The following PC variants were observed in gnomAD, a reference collection of about 807,000 sequenced individuals.
The protein encoded by PC is pyruvate carboxylase, mitochondrial.
PC carries 46 observed loss-of-function variants against 107.8 expected under a neutral mutation model. The ratio of observed to expected loss-of-function variants is 0.43; its 90% CI spans 0.34 to 0.55. The LOEUF is 0.55. PC is among the 20% of genes least tolerant of loss of function. The probability of loss-of-function intolerance (pLI) is 0.04; values close to 1 mark genes in which losing one functional copy is unlikely to be tolerated. For missense variants in PC, 1,241 were observed against 1,643.1 expected, an observed-to-expected ratio of 0.76 and a Z score of 4.23; for synonymous variants, 662 against 684.7, an observed-to-expected ratio of 0.97 and a Z score of 0.52.
chr11:66,862,610 GC>G (rs1946319283), intron 12 of PC, among the ~76,000 whole-genome samples: 1 of 152,216 alleles, frequency 6.6e-6, no homozygotes, highest in South Asian at 2.1e-4. Flanking sequence ...GAGGGCCAAA[GC>G]CCCTGTCCTC....
At chr11:66,872,382 T>C (rs1043830577) in intron 3 of PC, among the ~76,000 whole-genome samples, 22 of 152,054 alleles carry the variant, frequency 1.4e-4, no homozygotes, top group African/African-American at 4.6e-4. Context: ...TGTGACTTTA[T>C]TGTTGTAGAG....
chr11:66,921,639 C>T (rs1038972158), intron 3 of PC, among the ~76,000 whole-genome samples: 1 of 152,090 alleles, frequency 6.6e-6, no homozygotes, highest in Non-Finnish European at 1.5e-5. Flanking sequence ...TAGATCTGAG[C>T]TCTGCCACTC....
intron 3 of PC, among the ~76,000 whole-genome samples, chr11:66,877,167 T>C (rs868586962): frequency 2.0e-5 from 3 of 151,758 alleles, no homozygotes; most frequent in African/African-American, 7.3e-5. Context: ...AGGCGGATCA[T>C]TTGAGGTCAC....
intron 12 of PC, chr11:66,859,722 C>G (rs1946122602): frequency 3.7e-6 from 6 of 1,611,494 alleles, no homozygotes; most frequent in Non-Finnish European, 4.2e-6. Context: ...GGCCTTGTCA[C>G]CGGCCGCTGG....
chr11:66,860,666 T>C lies in PC; in HGVS notation c.1368+3108A>G, dbSNP rs1223968740. On this transcript the variant is annotated intron_variant, in intron 12 of 22. Transcript: ENST00000393960. ...GCCAAGGGCTGTGCCTGGTGTCTTC[T>C]GACCTGCAAGAGCATGGGCTTGGGC... 6 of 701,494 alleles carry C rather than the reference T, an allele frequency of 8.6e-6. No individual in the cohort carries two copies. In the East Asian group the frequency reaches 1.1e-4, roughly 13 times the overall value. The allele number at this position is 701,494 out of a possible 1,614,324, so 43.5% of individuals were successfully genotyped here.
At chr11:66,898,615 G>A (rs981767849) in intron 3 of PC, among the ~76,000 whole-genome samples, 4 of 152,318 alleles carry the variant, frequency 2.6e-5, no homozygotes, top group African/African-American at 9.6e-5. Context: ...AGGAGGTGGA[G>A]GTCGCAGTAA....
chr11:66,854,305 G>C (rs1391205818), intron 12 of PC, among the ~76,000 whole-genome samples: 2 of 152,184 alleles, frequency 1.3e-5, no homozygotes, highest in Non-Finnish European at 2.9e-5. Flanking sequence ...ACTTCTCAAG[G>C]GCCTTCGCCC....
intron 11 of PC, among the ~76,000 whole-genome samples, chr11:66,864,706 G>A (rs573443341): frequency 8.5e-5 from 13 of 152,344 alleles, no homozygotes; most frequent in African/African-American, 3.1e-4. Flanking sequence ...GCCAGGGCCA[G>A]ACGGCAATGG....
intron 2 of PC, among the ~76,000 whole-genome samples, chr11:66,953,717 C>A (rs1949490466): frequency 6.6e-6 from 1 of 152,062 alleles, no homozygotes; most frequent in African/African-American, 2.4e-5. Flanking sequence ...ACACTCAGGC[C>A]CTGCCCACAA....
rs36115909 is a variant in PC, at chr11:66,860,060, C to T, written c.1368+3714G>A. 173 of 1,566,266 alleles carry T rather than the reference C, an allele frequency of 1.1e-4. No individual in the cohort carries two copies. The East Asian group carries it at 3.4e-3, about 31-fold the overall frequency. On this transcript the variant is annotated intron_variant, in intron 12 of 22. Coordinates refer to ENST00000393960, the MANE Select transcript of PC (RefSeq NM_001040716.2). ...GCTGCTCTCTGGACCTGGGAGATGC[C>T]GGGTGCTACGGTTATGCCAGGCGCC...
In PC at chr11:66,870,870, C is replaced by T. The variant is rs772857932; in HGVS notation, c.656G>A (p.Arg219Gln). The change falls in exon 8 of 23, where the codon CGG becomes CAG. Residue 219 changes from arginine (R) to glutamine (Q), a missense_variant. This residue lies in a region of PC where 1,143 missense variants were observed against 1,551.9 expected (regional missense o/e 0.74). Coordinates refer to ENST00000393960, the MANE Select transcript of PC (RefSeq NM_001040716.2). This position sits in a 1 kb window ranked among gnomAD's most constrained non-coding sequence, Gnocchi z 6.1. ...GGCGGCCAGAGCCTCTGAGTAGGCC[C>T]GGGTGTAATTCTCCTCCAGCTCCTG... ...SYEELEENYTRAYSEALAAFG... is the reference protein window; with the variant it reads ...SYEELEENYTQAYSEALAAFG... 2.5e-6 allele frequency: 4 copies of T among 1,613,198 alleles called. No homozygotes were observed. The highest frequency in any genetic ancestry group is 1.3e-5 in the African/African-American group (1 of 74,914).
chr11:66,921,085 G>A (rs1001618045), intron 3 of PC, among the ~76,000 whole-genome samples: 4 of 151,750 alleles, frequency 2.6e-5, no homozygotes, highest in African/African-American at 2.4e-5. Flanking sequence ...GGCTGAGGAC[G>A]AAATGCCTTA....
At chr11:66,884,781 C>T (rs1448045231) in intron 3 of PC, among the ~76,000 whole-genome samples, 3 of 152,192 alleles carry the variant, frequency 2.0e-5, no homozygotes, top group Non-Finnish European at 4.4e-5. Flanking sequence ...AGGACTCAGA[C>T]GCAGCCTGGC....
chr11:66,850,975 G>A (rs1238406111), intron 17 of PC, 52 bp from the exon 18 acceptor site: 2 of 1,608,514 alleles, frequency 1.2e-6, no homozygotes, highest in Admixed American at 1.7e-5. Context: ...GGCAGGATGT[G>A]TGCCTGTGGG....
intron 3 of PC, among the ~76,000 whole-genome samples, chr11:66,921,586 G>A (rs373871375): frequency 3.9e-5 from 6 of 152,248 alleles, no homozygotes; most frequent in African/African-American, 1.4e-4. Context: ...TTCTGGTGCA[G>A]GGGAAGGCAG....
chr11:66,896,600 G>A (rs1340243939), intron 3 of PC, among the ~76,000 whole-genome samples: 2 of 152,246 alleles, frequency 1.3e-5, no homozygotes, highest in African/African-American at 4.8e-5. Context: ...GATGGACAGC[G>A]CCGCTGGCTC....
At chr11:66,905,161 G>A (rs777264272) in intron 3 of PC, among the ~76,000 whole-genome samples, 4 of 152,242 alleles carry the variant, frequency 2.6e-5, no homozygotes, top group African/African-American at 7.2e-5. Flanking sequence ...ATCTGCTGAC[G>A]AGGCAAGACT....
At chr11:66,901,317 C>T (rs961863666) in intron 3 of PC, among the ~76,000 whole-genome samples, 3 of 152,146 alleles carry the variant, frequency 2.0e-5, no homozygotes, top group Non-Finnish European at 2.9e-5. Flanking sequence ...AGGTAGGAGG[C>T]GGTGGAGAGA....
intron 12 of PC, chr11:66,860,406 G>A (rs764269401): frequency 3.2e-5 from 24 of 743,900 alleles, no homozygotes; most frequent in Non-Finnish European, 4.5e-5. Context: ...CACAGCCACC[G>A]AGGCAGGGGC....
Sources: gnomAD v4.1 joint callset for allele counts (sites outside exome capture counted in the v4.1 genomes callset) on GRCh38, gnomAD v4.1.1 for gene constraint, gnomAD v4.1.1 regional missense constraint, Gnocchi (gnomAD v3.1) non-coding constraint, MANE v1.5 for transcripts, NCBI Gene and HGNC (gene_info 2026-07-23, HGNC 2026-07-21) for gene names.